The following GPALPP1 variants were observed in gnomAD, a reference collection of about 807,000 sequenced individuals.
GPALPP1 encodes the protein GPALPP motifs containing 1, also known as GPALPP motifs-containing protein 1.
GPALPP1 carries 30 observed loss-of-function variants against 38.9 expected under a neutral mutation model. The ratio of observed to expected loss-of-function variants is 0.77; its 90% CI spans 0.58 to 1.05. The LOEUF is 1.05. Among genes scored for constraint, GPALPP1 ranks in the 50% least tolerant of loss-of-function variants. The probability of loss-of-function intolerance (pLI) is 0.00; values close to 1 mark genes in which losing one functional copy is unlikely to be tolerated. For synonymous variants in GPALPP1, 120 were observed against 139.2 expected, an observed-to-expected ratio of 0.86 and a Z score of 0.97; for missense variants, 384 against 408.8, an observed-to-expected ratio of 0.94 and a Z score of 0.52.
At chr13:45,012,613 A>T (rs1218174621) in intron 4 of GPALPP1, among the ~76,000 whole-genome samples, 4 of 152,210 alleles carry the variant, frequency 2.6e-5, no homozygotes, top group Admixed American at 2.6e-4. Context: ...AGTAGCTTAC[A>T]TCGTTTCCTT....
Position 45,004,387 on chromosome 13 carries a change from C to G in GPALPP1, c.171C>G (p.Tyr57Ter). ...SDSDEDSSSL[Y>*]EEGNQESEED... ...GCGATGAAGACAGTAGTTCTTTGTA[C>G]GAAGAAGGAAATCAAGAATCTGAAG... The change falls in exon 2 of 8, where the codon TAC becomes TAG. Residue 57 changes from tyrosine to a stop codon, truncating the protein, a stop_gained. Coordinates refer to ENST00000379151, the MANE Select transcript of GPALPP1 (RefSeq NM_018559.5). LOFTEE classifies it high-confidence loss of function. 6.2e-7 allele frequency: 1 copy of G among 1,607,180 alleles called. No homozygotes were observed. The highest frequency in any genetic ancestry group is 8.5e-7 in the Non-Finnish European group (1 of 1,174,036).
rs149295484 is a variant in GPALPP1, at chr13:45,022,905, G to T, written c.804+2477G>T. On this transcript the variant is annotated intron_variant, in intron 7 of 7. Coordinates refer to ENST00000379151, the MANE Select transcript of GPALPP1 (RefSeq NM_018559.5). ...AAAGGTGAAAAATTAGCCAGGTCTG[G>T]TGGCACACACTCAAGGTCCCAGCTA... 3.5e-4 allele frequency among the ~76,000 whole-genome samples: 54 copies of T among 152,208 alleles called. No homozygotes were observed. The East Asian group carries it at 9.3e-3, about 26-fold the overall frequency.
rs190778898 is a variant in GPALPP1, at chr13:45,014,684, C to G, written c.409-268C>G. ...GCTCTAAGTCTACATCTGTGTCCTT[C>G]AGGAAGAGAGTGAGGTCTGTCATGG... On this transcript the variant is annotated intron_variant, in intron 4 of 7. Coordinates refer to ENST00000379151, the MANE Select transcript of GPALPP1 (RefSeq NM_018559.5). 5.9e-3 allele frequency among the ~76,000 whole-genome samples: 900 copies of G among 152,172 alleles called. 11 individuals carry two copies. The highest frequency in any genetic ancestry group is 6.9e-3 in the Non-Finnish European group (468 of 68,020).
chr13:45,029,723 G>GT lies in GPALPP1; in HGVS notation c.*1721dup, dbSNP rs1166663631. On this transcript the variant is annotated 3_prime_UTR_variant, in exon 8 of 8. Coordinates refer to ENST00000379151, the MANE Select transcript of GPALPP1 (RefSeq NM_018559.5). ...ATACAAATTTACTTGAAAATAGAGG[G>GT]TATGGGGTTTTGCCTGTTTTGTAAT... 1 of 152,130 alleles carries GT rather than the reference G, an allele frequency of 6.6e-6. No homozygotes were observed. Among genetic ancestry groups the GT allele is most frequent in the East Asian group, 1.9e-4 (1 of 5,204 alleles). 9.4% of individuals were successfully genotyped at this position (152,130 alleles called of 1,614,324 possible).
chr13:45,025,047 T>G (rs951629118), intron 7 of GPALPP1, among the ~76,000 whole-genome samples: 2 of 150,926 alleles, frequency 1.3e-5, no homozygotes, highest in Non-Finnish European at 2.9e-5. Flanking sequence ...ACTACTTGGT[T>G]GACTGGTACA....
At chr13:45,019,062 C>A (rs56854953) in intron 6 of GPALPP1, among the ~76,000 whole-genome samples, 205 of 11,940 alleles carry the variant, frequency 0.017, 16 homozygotes, top group African/African-American at 0.025. Flanking sequence ...TAAATATATA[C>A]ATATAAATAT....
downstream of GPALPP1, chr13:45,035,183 C>G (rs1004289104): frequency 6.6e-6 from 1 of 152,588 alleles, no homozygotes; most frequent in Non-Finnish European, 1.5e-5. Context: ...GTCTCGATCT[C>G]CTGACCTGTT....
chr13:45,024,058 A>C (rs868577792), intron 7 of GPALPP1, among the ~76,000 whole-genome samples: 2 of 152,072 alleles, frequency 1.3e-5, no homozygotes, highest in South Asian at 4.1e-4. Context: ...TAAATTTATG[A>C]TAGGACAGGC....
intron 1 of GPALPP1, among the ~76,000 whole-genome samples, chr13:44,999,962 A>G (rs1273082231): frequency 6.6e-6 from 1 of 152,234 alleles, no homozygotes; most frequent in East Asian, 1.9e-4. Flanking sequence ...TCAAATAGAA[A>G]TTAATGGTAC....
At chr13:45,027,752 T>C in intron 7 of GPALPP1, 33 bp from the exon 8 acceptor site, 1 of 981,446 alleles carries the variant, frequency 1.0e-6, no homozygotes, top group South Asian at 1.4e-5. Flanking sequence ...ATACAAACTA[T>C]AGTTTTTATT....
At chr13:44,993,749 CCACTAGCACTGTA>C in intron 1 of GPALPP1, among the ~76,000 whole-genome samples, 1 of 150,600 alleles carries the variant, frequency 6.6e-6, no homozygotes, top group East Asian at 1.9e-4. Flanking sequence ...TTTTACATTC[CCACTAGCACTGTA>C]CAAGGGTCTG....
At chr13:44,995,491 G>A (rs1253083970) in intron 1 of GPALPP1, among the ~76,000 whole-genome samples, 1 of 152,058 alleles carries the variant, frequency 6.6e-6, no homozygotes, top group Non-Finnish European at 1.5e-5. Flanking sequence ...TAAAAAAGGA[G>A]ATGAACTTCT....
At chr13:44,999,694 C>T (rs1267099954) in intron 1 of GPALPP1, among the ~76,000 whole-genome samples, 3 of 152,180 alleles carry the variant, frequency 2.0e-5, no homozygotes, top group Non-Finnish European at 4.4e-5. Context: ...ATTCTCCTGC[C>T]TCAGCCTCCT....
At chr13:45,015,652 A>G in intron 6 of GPALPP1, 56 bp downstream of exon 6, 2 of 1,196,122 alleles carry the variant, frequency 1.7e-6, no homozygotes, top group Non-Finnish European at 2.2e-6. Context: ...CTGGATTTTG[A>G]AAAGATATAA....
intron 1 of GPALPP1, among the ~76,000 whole-genome samples, chr13:45,003,913 A>G (rs576496059): frequency 4.3e-4 from 66 of 152,188 alleles, no homozygotes; most frequent in Admixed American, 1.6e-3. Context: ...ACTGTAAGAA[A>G]AAAAAAAATC....
chr13:45,015,713 T>A, intron 6 of GPALPP1, 117 bp downstream of exon 6: 1 of 656,000 alleles, frequency 1.5e-6, no homozygotes, highest in Non-Finnish European at 2.3e-6. Context: ...TCCAAAAGGA[T>A]AATGCGGATT....
chr13:45,023,235 T>G (rs963712261), intron 7 of GPALPP1, among the ~76,000 whole-genome samples: 5 of 152,162 alleles, frequency 3.3e-5, no homozygotes, highest in Admixed American at 1.3e-4. Flanking sequence ...TTATTTATTA[T>G]TTTATTATAT....
chr13:45,005,877 T>C (rs1430666811), intron 2 of GPALPP1, among the ~76,000 whole-genome samples: 45 of 151,998 alleles, frequency 3.0e-4, no homozygotes, highest in Non-Finnish European at 7.4e-5. Context: ...AATACAAAAA[T>C]TAGCTGGGCG....
rs80165261 is a variant in GPALPP1 at position 44,991,727 on chromosome 13, C to G, written c.88+1985C>G. Among the ~76,000 whole-genome samples the G allele has an allele frequency of 1.5e-3, 230 of 152,330 alleles. 2 individuals are homozygous for G. Among genetic ancestry groups the G allele is most frequent in the African/African-American group, 5.4e-3 (225 of 41,568 alleles). On this transcript the variant is annotated intron_variant, in intron 1 of 7. Transcript: ENST00000379151. ...ATAGAAGCTGCACTTGGACCATCTT[C>G]CAGTTATTACCTGCATCACCACCCC...
Sources: gnomAD v4.1 joint callset for allele counts (sites outside exome capture counted in the v4.1 genomes callset) on GRCh38, gnomAD v4.1.1 for gene constraint, MANE v1.5 for transcripts, NCBI Gene and HGNC (gene_info 2026-07-23, HGNC 2026-07-21) for gene names.